Variants in ITGAL observed in about 807,000 individuals in gnomAD.
The protein encoded by ITGAL is integrin alpha-L.
ITGAL carries 68 observed loss-of-function variants against 138.4 expected under a neutral mutation model. The ratio of observed to expected loss-of-function variants is 0.49; its 90% CI spans 0.40 to 0.60. The LOEUF (loss-of-function observed/expected upper bound fraction) is 0.60, where lower values mean the gene tolerates loss of function less well. ITGAL is among the 20% of genes least tolerant of loss of function. The pLI is 0.00. For missense variants in ITGAL, 1,256 were observed against 1,478.6 expected (o/e 0.85, Z 2.47); for synonymous variants, 561 against 584.3 (o/e 0.96, Z 0.57).
rs199606000 is a variant in ITGAL at position 30,510,897 on chromosome 16, T to C, written c.2636T>C (p.Met879Thr). The change falls in exon 23 of 31, where the codon ATG becomes ACG. Residue 879 changes from methionine (M) to threonine (T), a missense_variant. By Grantham distance (81) the Met-to-Thr change is moderately conservative (BLOSUM62 -1). Transcript: ENST00000356798. Reference sequence around the variant, plus strand: ...TCCTGCCAGGTTGCTCTGCAGATGATGTTTAATACACTGGTAAACAGCTCC... The same window carrying C: ...TCCTGCCAGGTTGCTCTGCAGATGACGTTTAATACACTGGTAAACAGCTCC... Reference protein sequence around the residue: ...KAGHSVALQMMFNTLVNSSWG... With the variant: ...KAGHSVALQMTFNTLVNSSWG... 1.2e-6 allele frequency: 2 copies of C among 1,614,022 alleles called. No individual in the cohort carries two copies. The highest frequency in any genetic ancestry group is 2.2e-5 in the East Asian group (1 of 44,868).
intron 26 of ITGAL, among the ~76,000 whole-genome samples, 173 bp downstream of exon 26, chr16:30,517,259 A>C (rs757232269): frequency 6.6e-6 from 1 of 152,088 alleles, no homozygotes; most frequent in East Asian, 1.9e-4. Flanking sequence ...TGAGACCAGC[A>C]TGGGCAACAT....
chr16:30,496,961 T>A (rs1018318760), intron 15 of ITGAL, among the ~76,000 whole-genome samples: 1 of 152,032 alleles, frequency 6.6e-6, no homozygotes, highest in African/African-American at 2.4e-5. Context: ...TTATTTTTTT[T>A]AATATATGGT....
In ITGAL at chr16:30,506,882, G is replaced by A. The variant is rs769771838; in HGVS notation, c.2508+26G>A. On this transcript the variant is annotated intron_variant, in intron 21 of 30. Coordinates refer to ENST00000356798, the MANE Select transcript of ITGAL (RefSeq NM_002209.3). Reference sequence around the variant, plus strand: ...GTGGGTGAGAGGACAGCGCCTGCCTGCGGGCATCTGTTCGGCAGACACTGC... The same window carrying A: ...GTGGGTGAGAGGACAGCGCCTGCCTACGGGCATCTGTTCGGCAGACACTGC... 2.5e-6 allele frequency: 4 copies of A among 1,612,354 alleles called. No individual in the cohort carries two copies. In the African/African-American group the frequency reaches 4.0e-5, roughly 16 times the overall value.
intron 1 of ITGAL, among the ~76,000 whole-genome samples, chr16:30,473,294 G>T (rs34385374): frequency 6.6e-6 from 1 of 152,152 alleles, no homozygotes; most frequent in Non-Finnish European, 1.5e-5. Flanking sequence ...TTAGCTTGGC[G>T]TGGTGGCACA....
rs35752464 is a variant in ITGAL, at chr16:30,474,898, G to A, written c.165-408G>A. Among the ~76,000 whole-genome samples, 752 of 131,340 alleles carry A rather than the reference G, an allele frequency of 5.7e-3. 5 individuals are homozygous for A. Among genetic ancestry groups the A allele is most frequent in the African/African-American group, 0.021 (729 of 34,872 alleles). The allele number at this position is 131,340 out of a possible 152,430, so 86.2% of individuals were successfully genotyped here. Reference sequence around the variant, plus strand: ...TTGAGAGGGAGTTTTCGCTCTTGTCGCCCAGGCTGTAGTGCAACGGTTAGA... The same window carrying A: ...TTGAGAGGGAGTTTTCGCTCTTGTCACCCAGGCTGTAGTGCAACGGTTAGA... On this transcript the variant is annotated intron_variant, in intron 2 of 30. Transcript: ENST00000356798.
At chr16:30,490,206 T>C (rs1472921008) in intron 11 of ITGAL, among the ~76,000 whole-genome samples, 1 of 123,314 alleles carries the variant, frequency 8.1e-6, no homozygotes, top group Non-Finnish European at 1.6e-5. Flanking sequence ...CCAGCCAAGA[T>C]GACAGAGCGA....
rs2051207387 is a variant in ITGAL at position 30,518,654 on chromosome 16, C to A, written c.3163C>A (p.Leu1055Ile). The A allele has an allele frequency of 6.2e-7, 1 of 1,614,064 alleles. No homozygotes were observed. The change falls in exon 29 of 31, where the codon CTC (leucine) becomes ATC (isoleucine). Residue 1055 changes from leucine (L) to isoleucine (I), a missense_variant. By Grantham distance (5) the Leu-to-Ile change is conservative (BLOSUM62 2). Coordinates refer to ENST00000356798, the MANE Select transcript of ITGAL (RefSeq NM_002209.3). Reference sequence around the variant, plus strand: ...TTCCATGTTCAGCCTCTGCAGCTCCCTCTCCATCTCCTTCAACAGCAGCAA... The same window carrying A: ...TTCCATGTTCAGCCTCTGCAGCTCCATCTCCATCTCCTTCAACAGCAGCAA... ...ASSMFSLCSS[L>I]SISFNSSKHF...
chr16:30,507,186 G>A (rs920232964), intron 21 of ITGAL, among the ~76,000 whole-genome samples: 1 of 152,090 alleles, frequency 6.6e-6, no homozygotes, highest in African/African-American at 2.4e-5. Flanking sequence ...TGGGCCGGGC[G>A]TGGTGGCTCA....
At chr16:30,485,090 T>A (rs33989100) in intron 9 of ITGAL, among the ~76,000 whole-genome samples, 2 of 151,864 alleles carry the variant, frequency 1.3e-5, no homozygotes, top group African/African-American at 4.8e-5. Flanking sequence ...GAGCAGCCTC[T>A]GTGATCTTTC....
At chr16:30,476,502 T>TAGG (rs1362580350) in intron 4 of ITGAL, among the ~76,000 whole-genome samples, 2 of 152,164 alleles carry the variant, frequency 1.3e-5, no homozygotes, top group Admixed American at 6.6e-5. Flanking sequence ...TATAATTTCT[T>TAGG]ACATCATATT....
intron 18 of ITGAL, among the ~76,000 whole-genome samples, chr16:30,504,518 C>T (rs1465643816): frequency 6.6e-6 from 1 of 151,870 alleles, no homozygotes; most frequent in Non-Finnish European, 1.5e-5. Flanking sequence ...GCCTGGGCAA[C>T]ATAGTGGGAC....
rs35977794 is a variant in ITGAL, at chr16:30,506,983, C to T, written c.2508+127C>T. 3.0e-3 allele frequency: 3,023 copies of T among 1,004,364 alleles called. 59 individuals carry two copies. In the African/African-American group the frequency reaches 0.044, roughly 15 times the overall value. 62.2% of individuals were successfully genotyped at this position (1,004,364 alleles called of 1,614,324 possible). A position where few individuals can be genotyped will look rare whatever the true frequency, so the allele number is the denominator to read the frequency against. On this transcript the variant is annotated intron_variant, in intron 21 of 30. Coordinates refer to ENST00000356798, the MANE Select transcript of ITGAL (RefSeq NM_002209.3). The stretch of plus-strand genomic sequence containing the variant: ...TGCGGGTGGACAGGGGTCTTAGGGT[C>T]ATATCTGGGTTCCCAGCCTCGAGCT...
intron 9 of ITGAL, among the ~76,000 whole-genome samples, chr16:30,485,780 C>T (rs2050639238): frequency 6.6e-6 from 1 of 151,828 alleles, no homozygotes; most frequent in African/African-American, 2.4e-5. Flanking sequence ...GCAATCTGCC[C>T]ACCTCGGCCT....
chr16:30,517,700 G>C lies in ITGAL; in HGVS notation c.3028G>C (p.Ala1010Pro), dbSNP rs1567492193. ...YEDLERLPDA[A>P]EPCLPGALFR... The stretch of plus-strand genomic sequence containing the variant: ...GGATCTGGAGAGGCTCCCGGATGCA[G>C]CTGAGGTATGGGCGTGTGAGCTGAG... Residue 1010 changes from alanine (A) to proline (P), a missense_variant, in exon 27 of 31, where the codon GCT becomes CCT. Ala to Pro is a conservative substitution (Grantham distance 27). Transcript: ENST00000356798. 6.2e-6 allele frequency: 10 copies of C among 1,613,980 alleles called. No homozygotes were observed. Among genetic ancestry groups the C allele is most frequent in the Non-Finnish European group, 6.8e-6 (8 of 1,179,936 alleles).
In ITGAL at chr16:30,494,381, G is replaced by A. The variant is rs1335344136; in HGVS notation, c.1365+18G>A. The A allele has an allele frequency of 1.3e-6, 2 of 1,585,250 alleles. No individual in the cohort carries two copies. The highest frequency in any genetic ancestry group is 1.7e-6 in the Non-Finnish European group (2 of 1,160,436). ...GGACCCAGGTGCGCCCAGTCCGAGG[G>A]CATCTGCAGACCAGGGACTGGCGGG... is the stretch of plus-strand genomic sequence containing the variant. On this transcript the variant is annotated intron_variant, in intron 12 of 30. Transcript: ENST00000356798. The surrounding 1 kb of genome is among the most constrained non-coding windows in gnomAD (Gnocchi z 4.2).
chr16:30,504,469 G>A (rs989063716), intron 18 of ITGAL, among the ~76,000 whole-genome samples: 3 of 151,988 alleles, frequency 2.0e-5, no homozygotes, highest in Non-Finnish European at 4.4e-5. Flanking sequence ...AAGATTAGTC[G>A]GGTGTGATGG....
At chr16:30,495,360 A>G (rs1272817434) in intron 13 of ITGAL, among the ~76,000 whole-genome samples, 2 of 152,028 alleles carry the variant, frequency 1.3e-5, no homozygotes, top group African/African-American at 2.4e-5. Context: ...ATGTTTCGAC[A>G]TGTGGGCCAG....
intron 29 of ITGAL, among the ~76,000 whole-genome samples, chr16:30,519,591 A>C (rs1014979431): frequency 6.6e-6 from 1 of 152,058 alleles, no homozygotes; most frequent in African/African-American, 2.4e-5. Context: ...AGGTAAGCAA[A>C]AGCTGGATTC....
At chr16:30,496,852 C>A (rs1236006512) in intron 15 of ITGAL, among the ~76,000 whole-genome samples, 1 of 150,652 alleles carries the variant, frequency 6.6e-6, no homozygotes. Flanking sequence ...ACTTTGTTGC[C>A]CCAGCTGGTC....
Sources: gnomAD v4.1 joint callset for allele counts (sites outside exome capture counted in the v4.1 genomes callset) on GRCh38, gnomAD v4.1.1 for gene constraint, Gnocchi (gnomAD v3.1) non-coding constraint, MANE v1.5 for transcripts, NCBI Gene and HGNC (gene_info 2026-07-23, HGNC 2026-07-21) for gene names.